Variants in SLC25A26 observed in about 807,000 individuals in gnomAD.
The protein encoded by SLC25A26 is solute carrier family 25 member 26, also known as mitochondrial S-adenosylmethionine carrier protein.
A neutral mutation model predicts 37.8 loss-of-function variants in SLC25A26; 36 were observed. The observed-to-expected ratio is 0.95, with a 90% CI of 0.73 to 1.26. SLC25A26 has a LOEUF of 1.26. Among genes scored for constraint, SLC25A26 ranks in the 50% most tolerant of loss-of-function variants. SLC25A26 has a pLI of 0.00. For missense variants in SLC25A26, 390 were observed against 331.1 expected (o/e 1.18, Z -1.38); for synonymous variants, 129 against 122.5 (o/e 1.05, Z -0.35).
rs112992634 is a variant in SLC25A26, at chr3:66,143,190, A to G, written c.-354+9206A>G. 3.7e-4 allele frequency among the ~76,000 whole-genome samples: 57 copies of G among 152,232 alleles called. 2 individuals are homozygous for G. The highest frequency in any genetic ancestry group is 1.3e-3 in the African/African-American group (55 of 41,540). On this transcript the variant is annotated intron_variant, in intron 1 of 10. Transcript: ENST00000676754. ...AAAAAAAAAAAAATTGCCATTATCC[A>G]TTATATCCATTGTATGAACATAACA... is the stretch of plus-strand genomic sequence containing the variant.
chr3:66,295,552 C>T (rs946957654), intron 5 of SLC25A26, among the ~76,000 whole-genome samples: 2 of 151,990 alleles, frequency 1.3e-5, no homozygotes, highest in Non-Finnish European at 2.9e-5. Flanking sequence ...CAGGTGCCCA[C>T]CACCAAGCCC....
In SLC25A26 at chr3:66,318,555, C is replaced by A. The variant is rs142158507; in HGVS notation, c.454-27809C>A. Among the ~76,000 whole-genome samples, 338 of 152,054 alleles carry A rather than the reference C, an allele frequency of 2.2e-3. 1 individual carries two copies. Among genetic ancestry groups the A allele is most frequent in the Admixed American group, 4.5e-3 (68 of 15,276 alleles). The stretch of plus-strand genomic sequence containing the variant: ...AACCTTGGTACCTCAGTTGAAGATG[C>A]AGAATTCACTCACCATTTTTGTCCT... On this transcript the variant is annotated intron_variant, in intron 5 of 9. Coordinates refer to ENST00000354883, the MANE Select transcript of SLC25A26 (RefSeq NM_001379210.1).
At chr3:66,286,914 C>G (rs917867780) in intron 5 of SLC25A26, among the ~76,000 whole-genome samples, 2 of 152,126 alleles carry the variant, frequency 1.3e-5, no homozygotes, top group Non-Finnish European at 2.9e-5. Flanking sequence ...CTGCCCAACA[C>G]AGCCTCCTGA....
intron 7 of SLC25A26, among the ~76,000 whole-genome samples, chr3:66,367,005 CT>C (rs1484292757): frequency 2.6e-5 from 4 of 152,212 alleles, no homozygotes; most frequent in African/African-American, 7.2e-5. Context: ...TAGCTCCTAC[CT>C]TTACCTTTCC....
chr3:66,336,788 C>T (rs1247740842), intron 5 of SLC25A26, among the ~76,000 whole-genome samples: 1 of 152,102 alleles, frequency 6.6e-6, no homozygotes, highest in African/African-American at 2.4e-5. Context: ...GAGTTCATTC[C>T]AGGAAGCCAA....
intron 1 of SLC25A26, among the ~76,000 whole-genome samples, chr3:66,209,087 GATGTATATATA>G: frequency 2.5e-5 from 1 of 39,990 alleles, no homozygotes; most frequent in Non-Finnish European, 4.1e-5. Context: ...CCCATATAAA[GATGTATATATA>G]TATATATATA....
intron 1 of SLC25A26, among the ~76,000 whole-genome samples, chr3:66,157,567 G>A (rs773511780): frequency 2.0e-5 from 3 of 152,226 alleles, no homozygotes; most frequent in Non-Finnish European, 4.4e-5. Flanking sequence ...TCAAAGTCAT[G>A]TGTAGAAGTG....
intron 7 of SLC25A26, among the ~76,000 whole-genome samples, chr3:66,369,025 C>CA (rs1201555171): frequency 0.018 from 585 of 32,742 alleles, 3 homozygotes; most frequent in Middle Eastern, 0.031. Context: ...CCTGTCTTTT[C>CA]AAAAAAAAAA....
intron 7 of SLC25A26, 106 bp downstream of exon 7, chr3:66,363,035 G>T: frequency 1.8e-6 from 1 of 552,924 alleles, no homozygotes. Context: ...TTGTTTAGAT[G>T]AAGAGCGCTC....
In SLC25A26 at chr3:66,304,491, G is replaced by A. The variant is rs114365021; in HGVS notation, c.453+41112G>A. On this transcript the variant is annotated intron_variant, in intron 5 of 9. Coordinates refer to ENST00000354883, the MANE Select transcript of SLC25A26 (RefSeq NM_001379210.1). Reference sequence around the variant, plus strand: ...GTCAAAGGTGTGGGGAGGCTTGTGAGCTTCTGTGAGTTGTTGTGTGTGGCT... The same window carrying A: ...GTCAAAGGTGTGGGGAGGCTTGTGAACTTCTGTGAGTTGTTGTGTGTGGCT... The A allele has an allele frequency of 3.3e-3, 1,483 of 455,414 alleles. 23 individuals are homozygous for A. Among genetic ancestry groups the A allele is most frequent in the African/African-American group, 0.014 (703 of 49,254 alleles). 28.2% of individuals were successfully genotyped at this position (455,414 alleles called of 1,614,324 possible). A position where few individuals can be genotyped will look rare whatever the true frequency, so the allele number is the denominator to read the frequency against.
intron 5 of SLC25A26, among the ~76,000 whole-genome samples, chr3:66,281,054 G>T (rs937465250): frequency 7.2e-5 from 11 of 152,000 alleles, no homozygotes; most frequent in African/African-American, 2.7e-4. Flanking sequence ...TGGTTGTCAG[G>T]GTCCCCAACC....
chr3:66,293,585 G>C (rs369056005), intron 5 of SLC25A26, among the ~76,000 whole-genome samples: 1 of 151,180 alleles, frequency 6.6e-6, no homozygotes, highest in African/African-American at 2.4e-5. Context: ...ATTCCCCTCC[G>C]TGGATCTATG....
Position 66,145,743 on chromosome 3 carries a change from A to G in SLC25A26, c.-354+11759A>G, listed in dbSNP as rs531082447. 4.6e-5 allele frequency among the ~76,000 whole-genome samples: 7 copies of G among 152,314 alleles called. No individual in the cohort carries two copies. The East Asian group carries it at 1.2e-3, about 25-fold the overall frequency. On this transcript the variant is annotated intron_variant, in intron 1 of 10. Coordinates refer to the SLC25A26 transcript ENST00000676754. Reference sequence around the variant, plus strand: ...CTTATTTCAATTTTCTTTTTTCCCCACTATTATGACAGTTAAAGAAAATCG... The same window carrying G: ...CTTATTTCAATTTTCTTTTTTCCCCGCTATTATGACAGTTAAAGAAAATCG...
chr3:66,249,307 G>A (rs976056373), intron 3 of SLC25A26, among the ~76,000 whole-genome samples: 4 of 152,170 alleles, frequency 2.6e-5, no homozygotes, highest in Non-Finnish European at 5.9e-5. Flanking sequence ...TGACAAGGCC[G>A]TTGGACCCCC....
intron 5 of SLC25A26, among the ~76,000 whole-genome samples, chr3:66,275,820 T>C (rs1338592928): frequency 1.3e-5 from 2 of 152,086 alleles, no homozygotes; most frequent in Non-Finnish European, 2.9e-5. Flanking sequence ...AAACAGTTTT[T>C]GAAGTGACAC....
intron 5 of SLC25A26, 66 bp from the exon 6 acceptor site, chr3:66,346,298 A>G (rs1322679625): frequency 2.6e-5 from 19 of 737,816 alleles, no homozygotes; most frequent in Admixed American, 9.3e-5. Context: ...ACAGGCTCGT[A>G]TAGTCATACA....
At chr3:66,155,334 A>G (rs976300089) in intron 1 of SLC25A26, among the ~76,000 whole-genome samples, 12 of 152,062 alleles carry the variant, frequency 7.9e-5, no homozygotes, top group African/African-American at 2.9e-4. Flanking sequence ...ATGTAGTGAG[A>G]CCCTGTCTCT....
chr3:66,189,919 C>T, intron 1 of SLC25A26, among the ~76,000 whole-genome samples: 1 of 152,272 alleles, frequency 6.6e-6, no homozygotes, highest in Non-Finnish European at 1.5e-5. Context: ...CTCACCTCAG[C>T]TTCTCAAAGT....
chr3:66,193,657 G>GA (rs1399660801), intron 1 of SLC25A26, among the ~76,000 whole-genome samples: 1,679 of 147,374 alleles, frequency 0.011, 32 homozygotes, highest in African/African-American at 0.039. Flanking sequence ...TTCTAACCTT[G>GA]AAAAAAAAAA....
Sources: gnomAD v4.1 joint callset for allele counts (sites outside exome capture counted in the v4.1 genomes callset) on GRCh38, gnomAD v4.1.1 for gene constraint, MANE v1.5 for transcripts, NCBI Gene and HGNC (gene_info 2026-07-23, HGNC 2026-07-21) for gene names.